NOX4: variants seen among roughly 807,000 people sequenced by gnomAD.
NOX4 encodes kidney oxidase-1.
In NOX4, 69 loss-of-function variants were observed where a neutral mutation model predicts 87.6. That is an observed-to-expected ratio of 0.79 (90% CI 0.65 to 0.96). The LOEUF is 0.96. Ranked by LOEUF, NOX4 falls within the 40% of genes least tolerant of loss-of-function variation. The pLI is 0.00. For missense variants in NOX4, 680 were observed against 681.5 expected, an observed-to-expected ratio of 1.00 and a Z score of 0.02; for synonymous variants, 275 against 238.2, an observed-to-expected ratio of 1.15 and a Z score of -1.42.
chr11:89,528,139 G>A, the NOX4 span, among the ~76,000 whole-genome samples: 4 of 152,140 alleles, frequency 2.6e-5, no homozygotes, highest in African/African-American at 7.2e-5. Context: ...ACTGGATTTC[G>A]GACTTCCATG....
At chr11:89,333,577 T>C (rs914179582) in intron 17 of NOX4, among the ~76,000 whole-genome samples, 3 of 151,822 alleles carry the variant, frequency 2.0e-5, no homozygotes, top group Non-Finnish European at 2.9e-5. Flanking sequence ...GTTTAATAAG[T>C]AATCACTTTC....
chr11:89,565,144 C>T, the NOX4 span, among the ~76,000 whole-genome samples: 1 of 152,124 alleles, frequency 6.6e-6, no homozygotes. Context: ...AACATATATT[C>T]TCTTCTCTTT....
At chr11:89,509,356 G>A in the NOX4 span, among the ~76,000 whole-genome samples, 2 of 152,056 alleles carry the variant, frequency 1.3e-5, no homozygotes, top group Admixed American at 6.6e-5. Flanking sequence ...ATACTGTCAG[G>A]GGTCTCTCTG....
chr11:89,338,069 T>C (rs1945798013), intron 15 of NOX4, among the ~76,000 whole-genome samples: 3 of 151,578 alleles, frequency 2.0e-5, no homozygotes, highest in Admixed American at 1.3e-4. Flanking sequence ...TAGAAAAAAA[T>C]ATGGAACAAC....
chr11:89,576,327 C>T, the NOX4 span, among the ~76,000 whole-genome samples: 1 of 152,146 alleles, frequency 6.6e-6, no homozygotes, highest in East Asian at 1.9e-4. Flanking sequence ...CCCTGGGGTA[C>T]AAATATAGCC....
At chr11:89,443,904 T>G in intron 5 of NOX4, 1 of 461,180 alleles carries the variant, frequency 2.2e-6, no homozygotes, top group African/African-American at 2.0e-5. Flanking sequence ...CATCTGAACA[T>G]TGCAATATAA....
At chr11:89,357,264 A>C (rs1020484032) in intron 12 of NOX4, among the ~76,000 whole-genome samples, 2 of 152,040 alleles carry the variant, frequency 1.3e-5, no homozygotes, top group African/African-American at 4.8e-5. Flanking sequence ...ATAGATGAGG[A>C]GGAACTAATG....
At chr11:89,435,965 T>TA (rs1944061653) in intron 6 of NOX4, among the ~76,000 whole-genome samples, 1 of 152,094 alleles carries the variant, frequency 6.6e-6, no homozygotes, top group African/African-American at 2.4e-5. Context: ...AAGAAGAACT[T>TA]ACAATTAGCA....
intron 4 of NOX4, among the ~76,000 whole-genome samples, chr11:89,448,911 A>C (rs1468988167): frequency 1.3e-5 from 2 of 152,132 alleles, no homozygotes; most frequent in Admixed American, 1.3e-4. Flanking sequence ...ATGTTCATGC[A>C]TTTAAACTCA....
intron 11 of NOX4, among the ~76,000 whole-genome samples, chr11:89,395,116 G>T (rs1034450789): frequency 1.3e-5 from 2 of 152,040 alleles, no homozygotes; most frequent in Admixed American, 6.6e-5. Context: ...TACACTTCCA[G>T]CAGCACTGTA....
At chr11:89,483,157 A>G (rs948126976) in intron 2 of NOX4, among the ~76,000 whole-genome samples, 9 of 152,162 alleles carry the variant, frequency 5.9e-5, no homozygotes, top group Non-Finnish European at 2.9e-5. Context: ...TAAGGATTAA[A>G]TGAGATTATA....
At chr11:89,383,039 T>TA (rs1391852762) in intron 11 of NOX4, among the ~76,000 whole-genome samples, 6 of 151,404 alleles carry the variant, frequency 4.0e-5, no homozygotes, top group African/African-American at 1.2e-4. Context: ...CTCCTAACAT[T>TA]AAAAAAAAGC....
chr11:89,426,789 T>C (rs1943443437), intron 7 of NOX4, among the ~76,000 whole-genome samples: 1 of 152,036 alleles, frequency 6.6e-6, no homozygotes, highest in South Asian at 2.1e-4. Flanking sequence ...AGACTCCACC[T>C]CGGGGGGCAG....
At chr11:89,402,299 G>A in intron 9 of NOX4, 27 bp downstream of exon 9, 4 of 1,536,768 alleles carry the variant, frequency 2.6e-6, no homozygotes, top group East Asian at 4.5e-5. Context: ...CAAACTTTGT[G>A]GAGATCAAAC....
intron 4 of NOX4, among the ~76,000 whole-genome samples, chr11:89,445,953 T>C (rs1013780739): frequency 2.0e-5 from 3 of 152,018 alleles, no homozygotes; most frequent in Non-Finnish European, 1.5e-5. Context: ...AAAAAGCATT[T>C]GCAAAAGACA....
At chr11:89,580,039 G>A in the NOX4 span, among the ~76,000 whole-genome samples, 3 of 152,088 alleles carry the variant, frequency 2.0e-5, no homozygotes, top group African/African-American at 4.8e-5. Context: ...TGATCACGAG[G>A]ACTTTAAATG....
At chr11:89,351,753 C>A (rs1946463636) in intron 13 of NOX4, among the ~76,000 whole-genome samples, 1 of 151,948 alleles carries the variant, frequency 6.6e-6, no homozygotes, top group African/African-American at 2.4e-5. Flanking sequence ...ATATTTTAAG[C>A]CCACCAGAGA....
At chr11:89,507,579 T>C in the NOX4 span, among the ~76,000 whole-genome samples, 1 of 151,814 alleles carries the variant, frequency 6.6e-6, no homozygotes, top group African/African-American at 2.4e-5. Flanking sequence ...TATAGGTATA[T>C]AAATGACTTT....
chr11:89,532,794 T>A, the NOX4 span, among the ~76,000 whole-genome samples: 4 of 152,144 alleles, frequency 2.6e-5, no homozygotes, highest in Non-Finnish European at 5.9e-5. Flanking sequence ...TGGGCTACAA[T>A]AGGATCATGG....
Sources: allele counts gnomAD v4.1 joint callset (sites outside exome capture counted in the v4.1 genomes callset), GRCh38; gene constraint gnomAD v4.1.1; transcripts MANE v1.5; gene names NCBI Gene and HGNC (gene_info 2026-07-23, HGNC 2026-07-21).